The following KCP variants were observed in gnomAD, a reference collection of about 807,000 sequenced individuals.
The protein encoded by KCP is kielin cysteine rich BMP regulator, also known as kielin/chordin-like protein.
KCP carries 194 observed loss-of-function variants against 212.7 expected under a neutral mutation model. The ratio of observed to expected loss-of-function variants is 0.91; its 90% CI spans 0.81 to 1.03. The LOEUF (loss-of-function observed/expected upper bound fraction) is 1.03, where lower values mean the gene tolerates loss of function less well. Among genes scored for constraint, KCP ranks in the 50% least tolerant of loss-of-function variants. KCP has a pLI of 0.00. For synonymous variants in KCP, 833 were observed against 865.3 expected (o/e 0.96, Z 0.65); for missense variants, 2,080 against 2,162.5 (o/e 0.96, Z 0.76).
chr7:128,899,872 A>ATGTAAGGAATCATGATTCCTTAAGG, intron 8 of KCP, among the ~76,000 whole-genome samples: 134 of 151,796 alleles, frequency 8.8e-4, no homozygotes, highest in African/African-American at 2.7e-3. Flanking sequence ...TTAAGGAATC[A>ATGTAAGGAATCATGATTCCTTAAGG]AATTTGACTT....
In KCP at chr7:128,884,011, T is replaced by C; in HGVS notation, c.3235A>G (p.Thr1079Ala). ...ACATCCCTGGACTCACCGGCACAGGTGGGACAGCAGTGCTGGGGCCCAGGG... is the reference window on the plus strand; with the variant it reads ...ACATCCCTGGACTCACCGGCACAGGCGGGACAGCAGTGCTGGGGCCCAGGG... ...LPPGPQHCCPTCAEALSNCSE... is the reference protein window; with the variant it reads ...LPPGPQHCCPACAEALSNCSE... The change falls in exon 29 of 40, where the codon ACC becomes GCC. Residue 1079 changes from threonine to alanine, a missense_variant. Physicochemically the swap from Thr to Ala is moderately conservative, Grantham distance 58 (BLOSUM62 0). Coordinates refer to ENST00000610776, the MANE Select transcript of KCP (RefSeq NM_001366122.1). 6.5e-7 allele frequency: 1 copy of C among 1,548,606 alleles called. No individual in the cohort carries two copies. Among genetic ancestry groups the C allele is most frequent in the East Asian group, 2.4e-5 (1 of 40,846 alleles).
At chr7:128,887,880 T>C (rs1315173886) in intron 22 of KCP, among the ~76,000 whole-genome samples, 10 of 95,766 alleles carry the variant, frequency 1.0e-4, no homozygotes, top group East Asian at 3.6e-4. Flanking sequence ...CACACAAACA[T>C]ACACATAGCC....
chr7:128,897,735 A>G lies in KCP; in HGVS notation c.832-3442T>C, dbSNP rs1198073680. 2.6e-5 allele frequency among the ~76,000 whole-genome samples: 4 copies of G among 152,200 alleles called. No individual in the cohort carries two copies. The East Asian group carries it at 5.8e-4, about 22-fold the overall frequency. ...TTCTTTGACTTTTGAAAATTATCCA[A>G]TTTATTTTGGAGCTTTAGATTCTAG... On this transcript the variant is annotated intron_variant, in intron 8 of 39. Transcript: ENST00000610776.
chr7:128,889,141 C>A, intron 21 of KCP, 102 bp from the exon 22 acceptor site: 1 of 884,694 alleles, frequency 1.1e-6, no homozygotes, highest in Non-Finnish European at 1.6e-6. Flanking sequence ...TCCAAGATCT[C>A]AAAGATCTAG....
At chr7:128,908,267 AAAGAAAGAAAGAAAGAAAGAAAG>A (rs1795250356) in intron 2 of KCP, among the ~76,000 whole-genome samples, 136 bp downstream of exon 2, 1 of 147,034 alleles carries the variant, frequency 6.8e-6, no homozygotes, top group Non-Finnish European at 1.5e-5. Context: ...AGAAAGAAAG[AAAGAAAGAAAGAAAGAAAGAAAG>A]AAAGAAAGAA....
chr7:128,891,760 G>A lies in KCP; in HGVS notation c.1681C>T (p.Pro561Ser). ...TCCTGGCATCGGCACTCCTGGCAGG[G>A]GTCTCGGGGGTGGGAGAAGCTCTCG... The part of the protein sequence containing the change: ...DGESFSHPRD[P>S]CQECRCQEGH... Residue 561 changes from proline (P) to serine (S), a missense_variant, in exon 17 of 40, where the codon CCC becomes TCC. By Grantham distance (74) the Pro-to-Ser change is moderately conservative (BLOSUM62 -1). Coordinates refer to ENST00000610776, the MANE Select transcript of KCP (RefSeq NM_001366122.1). The A allele has an allele frequency of 2.1e-6, 3 of 1,450,992 alleles. No homozygotes were observed. The highest frequency in any genetic ancestry group is 2.7e-6 in the Non-Finnish European group (3 of 1,100,054). The allele number at this position is 1,450,992 out of a possible 1,614,324, so 89.9% of individuals were successfully genotyped here.
chr7:128,879,394 G>A, intron 37 of KCP, 128 bp downstream of exon 37: 1 of 725,242 alleles, frequency 1.4e-6, no homozygotes, highest in Non-Finnish European at 2.3e-6. Flanking sequence ...TCACACCCCT[G>A]TACCCCACTC....
chr7:128,896,936 C>T (rs1039644818), intron 8 of KCP, among the ~76,000 whole-genome samples: 1 of 149,192 alleles, frequency 6.7e-6, no homozygotes, highest in African/African-American at 2.5e-5. Context: ...TACCGATACA[C>T]AGCCATCCAA....
intron 29 of KCP, among the ~76,000 whole-genome samples, chr7:128,882,621 G>C (rs1793399194): frequency 6.6e-6 from 1 of 152,116 alleles, no homozygotes. Flanking sequence ...GCACCCCCTA[G>C]CAAGTGTTGA....
intron 8 of KCP, among the ~76,000 whole-genome samples, chr7:128,900,305 T>C (rs1464788732): frequency 2.0e-5 from 3 of 152,224 alleles, no homozygotes; most frequent in Admixed American, 6.5e-5. Flanking sequence ...TACTTGTTAT[T>C]AAATTCTAGT....
chr7:128,884,799 A>G lies in KCP; in HGVS notation c.3105T>C (p.Cys1035=). 1 of 1,550,988 alleles carries G rather than the reference A, an allele frequency of 6.4e-7. No individual in the cohort carries two copies. Among genetic ancestry groups the G allele is most frequent in the Non-Finnish European group, 8.7e-7 (1 of 1,146,954 alleles). The part of the protein sequence containing the change: ...GESFQPGADP[C]EVCICEPQPE... Reference sequence around the variant, plus strand: ...CACCTACCTCGCAGATGCACACTTCACAGGGGTCTGCCCCAGGCTGGAAGC... The same window carrying G: ...CACCTACCTCGCAGATGCACACTTCGCAGGGGTCTGCCCCAGGCTGGAAGC... Residue 1035 remains cysteine (C), a synonymous_variant, in exon 28 of 40, where the codon TGT becomes TGC. Transcript: ENST00000610776.
Position 128,894,277 on chromosome 7 carries a change from C to T in KCP, c.848G>A (p.Cys283Tyr). 7.1e-6 allele frequency: 11 copies of T among 1,542,548 alleles called. No individual in the cohort carries two copies. Among genetic ancestry groups the T allele is most frequent in the Non-Finnish European group, 9.6e-6 (11 of 1,141,148 alleles). Residue 283 changes from cysteine (C) to tyrosine (Y), a missense_variant, in exon 9 of 40, where the codon TGC becomes TAC. By Grantham distance (194) the Cys-to-Tyr change is radical. Transcript: ENST00000610776. ...ICRCLEGHIQ[C>Y]RQRECASLCP... ...CAGGCTGGCACATTCTCGCTGGCGG[C>T]ACTGGATGTGACCCTCCTGGTGGGG...
At chr7:128,899,852 T>A (rs1794738517) in intron 8 of KCP, among the ~76,000 whole-genome samples, 1 of 152,166 alleles carries the variant, frequency 6.6e-6, no homozygotes, top group African/African-American at 2.4e-5. Context: ...ATGTAAGGAA[T>A]CATGATTCCT....
intron 21 of KCP, among the ~76,000 whole-genome samples, chr7:128,889,447 A>T (rs1020750705): frequency 6.6e-6 from 1 of 152,116 alleles, no homozygotes; most frequent in African/African-American, 2.4e-5. Context: ...CCACTGATGA[A>T]TCCAGGAAGG....
intron 29 of KCP, among the ~76,000 whole-genome samples, chr7:128,882,870 G>C (rs903367693): frequency 2.0e-5 from 3 of 152,008 alleles, no homozygotes; most frequent in Admixed American, 1.3e-4. Context: ...TCAGGAGTTC[G>C]AGACCAGCCT....
At chr7:128,888,781 G>T in intron 22 of KCP, 82 bp downstream of exon 22, 1 of 1,329,964 alleles carries the variant, frequency 7.5e-7, no homozygotes, top group Non-Finnish European at 1.0e-6. Flanking sequence ...GGCAGTGGGA[G>T]GGCTGGGAGG....
Position 128,878,550 on chromosome 7 carries a change from C to T in KCP, c.4311+8G>A, listed in dbSNP as rs1475457854. ...CTAATCCCCATCCCCGGTTCCTGTA[C>T]CACTCACCTGCCAGCTATTCCCAAA... On this transcript the variant is annotated splice_region_variant and intron_variant, in intron 38 of 39. Coordinates refer to ENST00000610776, the MANE Select transcript of KCP (RefSeq NM_001366122.1). 6 of 1,550,392 alleles carry T rather than the reference C, an allele frequency of 3.9e-6. No individual in the cohort carries two copies. Among genetic ancestry groups the T allele is most frequent in the Non-Finnish European group, 5.2e-6 (6 of 1,146,376 alleles).
At position 128,877,672 on chromosome 7, in the gene KCP, G is replaced by A. The variant is rs1585188312; in HGVS notation, c.4430C>T (p.Ser1477Phe). The A allele has an allele frequency of 9.7e-6, 15 of 1,551,472 alleles. No individual in the cohort carries two copies. Among genetic ancestry groups the A allele is most frequent in the African/African-American group, 1.4e-5 (1 of 73,178 alleles). ...EANARCGVLK[S>F]SPFSRCHAVV... is the part of the protein sequence containing the mutation. ...AGCATGGCAGCGACTGAATGGGGAG[G>A]ACTTCAGCACCCCACACCGGGCATT... The change falls in exon 39 of 40, where the codon TCC becomes TTC. Residue 1477 changes from serine (S) to phenylalanine (F), a missense_variant. Physicochemically the swap from Ser to Phe is radical, Grantham distance 155. Coordinates refer to ENST00000610776, the MANE Select transcript of KCP (RefSeq NM_001366122.1).
rs1372533558 is a variant in KCP at position 128,909,962 on chromosome 7, A to C, written c.76+639T>G. Among the ~76,000 whole-genome samples the C allele has an allele frequency of 2.0e-5, 3 of 151,978 alleles. No individual in the cohort carries two copies. The South Asian group carries it at 6.2e-4, about 32-fold the overall frequency. ...TCTCAGCATCTGAAACCTTCTACCC[A>C]ATCTAGACTCCCGTGGGGCCTCATC... On this transcript the variant is annotated intron_variant, in intron 1 of 39. Transcript: ENST00000610776.
Sources: allele counts gnomAD v4.1 joint callset (sites outside exome capture counted in the v4.1 genomes callset), GRCh38; gene constraint gnomAD v4.1.1; transcripts MANE v1.5; gene names NCBI Gene and HGNC (gene_info 2026-07-23, HGNC 2026-07-21).